Variants in ANK2 observed in about 807,000 individuals in gnomAD.
ANK2 encodes ankyrin 2, also known as ankyrin-2.
A neutral mutation model predicts 360.5 loss-of-function variants in ANK2; 83 were observed. The ratio of observed to expected loss-of-function variants is 0.23; its 90% CI spans 0.19 to 0.28. ANK2 has a LOEUF of 0.28. ANK2 is among the 10% of genes least tolerant of loss of function. The probability of loss-of-function intolerance (pLI) is 1.00; values close to 1 mark genes in which losing one functional copy is unlikely to be tolerated. For missense variants in ANK2, 4,201 were observed against 4,795.7 expected (o/e 0.88, Z 3.66); for synonymous variants, 1,740 against 1,759.5 (o/e 0.99, Z 0.28).
chr4:113,339,518 C>G (rs1451961656), intron 32 of ANK2, among the ~76,000 whole-genome samples, 196 bp downstream of exon 32: 1 of 152,176 alleles, frequency 6.6e-6, no homozygotes, highest in Non-Finnish European at 1.5e-5. Flanking sequence ...CAAAGTATTA[C>G]CAATCCGATT....
the ANK2 span, among the ~76,000 whole-genome samples, chr4:112,786,204 C>T: frequency 1.7e-4 from 25 of 150,048 alleles, no homozygotes; most frequent in African/African-American, 5.9e-4. Flanking sequence ...TTACAAAATC[C>T]ATCCTTCTAC....
intron 2 of ANK2, among the ~76,000 whole-genome samples, chr4:112,929,145 A>G (rs944182288): frequency 2.0e-5 from 3 of 152,098 alleles, no homozygotes; most frequent in African/African-American, 7.2e-5. Context: ...GAGCCACCAC[A>G]CCCAGCCTCC....
chr4:112,990,304 G>A (rs1416809051), intron 2 of ANK2, among the ~76,000 whole-genome samples: 1 of 152,192 alleles, frequency 6.6e-6, no homozygotes. Flanking sequence ...TGCAGGCATT[G>A]AGCTAAAACA....
At chr4:112,772,941 A>G in the ANK2 span, among the ~76,000 whole-genome samples, 1 of 152,228 alleles carries the variant, frequency 6.6e-6, no homozygotes, top group East Asian at 1.9e-4. Flanking sequence ...TTGAAAAGAC[A>G]TACAGATTCC....
chr4:113,262,726 T>G (rs1026215679), intron 13 of ANK2, among the ~76,000 whole-genome samples: 1 of 150,484 alleles, frequency 6.6e-6, no homozygotes, highest in African/African-American at 2.5e-5. Flanking sequence ...GTGTTAGGTA[T>G]TATAAGTAAT....
intron 13 of ANK2, among the ~76,000 whole-genome samples, chr4:113,263,813 A>T: frequency 6.6e-6 from 1 of 152,242 alleles, no homozygotes; most frequent in East Asian, 1.9e-4. Flanking sequence ...CTGTAAAATT[A>T]CTTGAGTGAA....
intron 1 of ANK2, among the ~76,000 whole-genome samples, chr4:112,854,548 T>A (rs545874049): frequency 6.6e-6 from 1 of 152,090 alleles, no homozygotes; most frequent in South Asian, 2.1e-4. Context: ...AGGTGAGAGA[T>A]GAGGGCTGGT....
At chr4:112,814,465 G>T (rs1429048534), upstream of ANK2, among the ~76,000 whole-genome samples, 1 of 151,836 alleles carries the variant, frequency 6.6e-6, no homozygotes, top group Admixed American at 6.6e-5. Context: ...TTGTTTTTTT[G>T]AGACAAGGTA....
chr4:113,288,127 T>A (rs1305573588), intron 19 of ANK2, among the ~76,000 whole-genome samples: 1 of 152,208 alleles, frequency 6.6e-6, no homozygotes, highest in Non-Finnish European at 1.5e-5. Flanking sequence ...TCAGAGTCAT[T>A]CTGTCTTTGC....
intron 2 of ANK2, among the ~76,000 whole-genome samples, chr4:112,982,890 C>T (rs1436826225): frequency 6.6e-6 from 1 of 152,116 alleles, no homozygotes; most frequent in Non-Finnish European, 1.5e-5. Flanking sequence ...GATGAAAAAG[C>T]TGTTTTGCAA....
At position 112,886,011 on chromosome 4, in the gene ANK2, C is replaced by T. The variant is rs555684133; in HGVS notation, c.-39-18444C>T. Among the ~76,000 whole-genome samples, 258 of 152,146 alleles carry T rather than the reference C, an allele frequency of 1.7e-3. 1 individual carries two copies. Among genetic ancestry groups the T allele is most frequent in the Admixed American group, 5.2e-3 (79 of 15,278 alleles). The stretch of plus-strand genomic sequence containing the variant: ...GTGGAGCCTCTGCAGAGCTCAGTCT[C>T]ACTGGGCTGGCTGAGGAGGCAGGGA... On this transcript the variant is annotated intron_variant, in intron 1 of 30. Coordinates refer to the ANK2 transcript ENST00000503271.
chr4:113,230,012 G>C (rs2099272902), intron 4 of ANK2, among the ~76,000 whole-genome samples: 2 of 152,014 alleles, frequency 1.3e-5, no homozygotes, highest in African/African-American at 4.8e-5. Context: ...ATCCTCACTG[G>C]CTTTCCCTTC....
chr4:113,287,952 A>G (rs2065540477), intron 19 of ANK2, among the ~76,000 whole-genome samples: 1 of 152,208 alleles, frequency 6.6e-6, no homozygotes, highest in African/African-American at 2.4e-5. Flanking sequence ...CCTTAAGTCT[A>G]TCCTCTCTCT....
At chr4:112,782,605 G>A in the ANK2 span, among the ~76,000 whole-genome samples, 19 of 151,982 alleles carry the variant, frequency 1.3e-4, no homozygotes, top group African/African-American at 4.1e-4. Flanking sequence ...GGTGGCTCAC[G>A]CCTGTAATTG....
chr4:113,233,106 G>GTTTTTTTTTTTTTTTTT (rs1156385030), intron 5 of ANK2, among the ~76,000 whole-genome samples: 1 of 79,708 alleles, frequency 1.3e-5, no homozygotes, highest in Non-Finnish European at 2.5e-5. Flanking sequence ...TGGCTTTTCT[G>GTTTTTTTTTTTTTTTTT]TTTTTTTTTT....
At chr4:112,762,357 A>G in the ANK2 span, among the ~76,000 whole-genome samples, 7 of 152,132 alleles carry the variant, frequency 4.6e-5, no homozygotes, top group African/African-American at 1.7e-4. Context: ...TGAATCAGTA[A>G]CCTCTATTTT....
At chr4:113,069,873 C>T (rs895100672) in intron 1 of ANK2, 29 of 152,352 alleles carry the variant, frequency 1.9e-4, no homozygotes, top group African/African-American at 6.7e-4. Context: ...ATGCTTGACT[C>T]TAAGAACCTC....
At chr4:113,044,489 T>G (rs1285853236) in intron 2 of ANK2, among the ~76,000 whole-genome samples, 4 of 152,154 alleles carry the variant, frequency 2.6e-5, no homozygotes, top group Non-Finnish European at 5.9e-5. Flanking sequence ...CTGTACTAGT[T>G]TCCTAGGGTT....
upstream of ANK2, among the ~76,000 whole-genome samples, chr4:112,815,995 C>T (rs1415431008): frequency 1.3e-5 from 2 of 152,130 alleles, no homozygotes; most frequent in East Asian, 1.9e-4. Flanking sequence ...AACCTAAGGA[C>T]GGAGTCAGTC....
Sources: allele counts gnomAD v4.1 joint callset (sites outside exome capture counted in the v4.1 genomes callset), GRCh38; gene constraint gnomAD v4.1.1; transcripts MANE v1.5; gene names NCBI Gene and HGNC (gene_info 2026-07-23, HGNC 2026-07-21).